Variants in PRELID2 observed in about 807,000 individuals in gnomAD.
The protein encoded by PRELID2 is PRELI domain containing 2, also known as PRELI domain-containing protein 2.
In PRELID2, 25 loss-of-function variants were observed where a neutral mutation model predicts 28.4. That is an observed-to-expected ratio of 0.88 (90% CI 0.64 to 1.23). PRELID2 has a LOEUF of 1.23. Among genes scored for constraint, PRELID2 ranks in the 50% most tolerant of loss-of-function variants. The pLI is 0.00. For missense variants in PRELID2, 201 were observed against 214.4 expected (o/e 0.94, Z 0.39); for synonymous variants, 76 against 71.6 (o/e 1.06, Z -0.31).
chr5:145,603,946 A>T (rs967472225), intron 1 of PRELID2, among the ~76,000 whole-genome samples: 6 of 152,148 alleles, frequency 3.9e-5, no homozygotes, highest in African/African-American at 1.4e-4. Flanking sequence ...CAATCTAGAA[A>T]AATAAATTAG....
At chr5:145,706,973 C>T (rs891937714) in intron 1 of PRELID2, among the ~76,000 whole-genome samples, 1 of 152,172 alleles carries the variant, frequency 6.6e-6, no homozygotes, top group African/African-American at 2.4e-5. Flanking sequence ...TGCAGTGTCT[C>T]AGGCCTCATC....
the PRELID2 span, among the ~76,000 whole-genome samples, chr5:145,385,754 T>C: frequency 2.2e-4 from 34 of 152,298 alleles, 1 homozygote; most frequent in East Asian, 5.8e-3. Context: ...AGTGGACTTA[T>C]TTATATTTAG....
At chr5:145,705,895 A>G (rs1235342525) in intron 1 of PRELID2, among the ~76,000 whole-genome samples, 1 of 151,168 alleles carries the variant, frequency 6.6e-6, no homozygotes, top group East Asian at 1.9e-4. Flanking sequence ...ATAAAATCCA[A>G]TCTTAGCTGT....
the PRELID2 span, among the ~76,000 whole-genome samples, chr5:145,382,687 G>C: frequency 6.6e-6 from 1 of 151,864 alleles, no homozygotes; most frequent in Admixed American, 6.6e-5. Context: ...ATTACCAGCA[G>C]ACCCATACTA....
intron 1 of PRELID2, among the ~76,000 whole-genome samples, chr5:145,666,928 A>C (rs896256216): frequency 1.3e-5 from 2 of 152,078 alleles, no homozygotes; most frequent in Non-Finnish European, 1.5e-5. Context: ...CTTATACGTG[A>C]CCAATTTAAG....
the PRELID2 span, among the ~76,000 whole-genome samples, chr5:145,356,368 T>G: frequency 5.9e-5 from 9 of 152,038 alleles, no homozygotes; most frequent in Admixed American, 4.6e-4. Context: ...TAATTATTAA[T>G]AAAATAATAT....
intron 1 of PRELID2, among the ~76,000 whole-genome samples, chr5:145,654,652 T>C (rs1023371261): frequency 3.0e-4 from 45 of 152,272 alleles, no homozygotes; most frequent in African/African-American, 8.9e-4. Context: ...AAAAACCACA[T>C]GATTATCTCA....
chr5:145,714,187 G>T (rs1228362356), intron 1 of PRELID2, among the ~76,000 whole-genome samples: 1 of 152,070 alleles, frequency 6.6e-6, no homozygotes, highest in Admixed American at 6.6e-5. Context: ...AGGCTCCTCT[G>T]TGGTGTTTGG....
the PRELID2 span, among the ~76,000 whole-genome samples, chr5:145,302,051 A>T: frequency 6.7e-6 from 1 of 150,364 alleles, no homozygotes; most frequent in Non-Finnish European, 1.5e-5. Flanking sequence ...TATTACATTG[A>T]TTCATTAGAT....
the PRELID2 span, among the ~76,000 whole-genome samples, chr5:145,394,996 T>G: frequency 5.8e-4 from 89 of 152,234 alleles, 1 homozygote; most frequent in African/African-American, 2.1e-3. Flanking sequence ...TTCTCCTACC[T>G]GAAATTGCCA....
At chr5:145,424,047 CG>C in the PRELID2 span, among the ~76,000 whole-genome samples, 6,941 of 149,168 alleles carry the variant, frequency 0.047, 273 homozygotes, top group South Asian at 0.17. Flanking sequence ...TTAGGCTGCT[CG>C]GGGGTCAGGG....
intron 1 of PRELID2, chr5:145,729,117 C>T (rs1756260995): frequency 1.7e-6 from 1 of 583,656 alleles, no homozygotes; most frequent in Admixed American, 2.8e-5. Context: ...ACCCTGGTTT[C>T]CGAGTACTCA....
chr5:145,329,041 C>T, the PRELID2 span, among the ~76,000 whole-genome samples: 1 of 152,174 alleles, frequency 6.6e-6, no homozygotes, highest in Middle Eastern at 3.4e-3. Context: ...GAATCCTTTC[C>T]CCATTGCTTG....
the PRELID2 span, among the ~76,000 whole-genome samples, chr5:145,307,814 A>G: frequency 6.6e-6 from 1 of 152,120 alleles, no homozygotes; most frequent in South Asian, 2.1e-4. Flanking sequence ...ATTTGCTCAG[A>G]GGTCATTTGC....
chr5:145,229,831 C>G, the PRELID2 span: 2 of 760,254 alleles, frequency 2.6e-6, no homozygotes, highest in Admixed American at 3.4e-5. Context: ...CCCTGCATCG[C>G]CAAGTCCCAG....
chr5:145,739,183 C>A (rs1756580010), intron 1 of PRELID2, among the ~76,000 whole-genome samples: 1 of 152,116 alleles, frequency 6.6e-6, no homozygotes, highest in South Asian at 2.1e-4. Context: ...GAAGTATATT[C>A]TCTAAACATA....
chr5:145,772,830 T>G (rs1758192180), intron 5 of PRELID2, among the ~76,000 whole-genome samples: 1 of 152,178 alleles, frequency 6.6e-6, no homozygotes, highest in Non-Finnish European at 1.5e-5. Flanking sequence ...TTAGTCCTGC[T>G]CCCAAACAAA....
At chr5:145,619,632 G>A (rs116608983) in intron 1 of PRELID2, among the ~76,000 whole-genome samples, 10,657 of 152,122 alleles carry the variant, frequency 0.07, 567 homozygotes, top group Admixed American at 0.18. Flanking sequence ...TTATTCCTGC[G>A]GTCATTCTGG....
At chr5:145,376,845 G>C in the PRELID2 span, among the ~76,000 whole-genome samples, 3 of 151,914 alleles carry the variant, frequency 2.0e-5, no homozygotes, top group African/African-American at 7.2e-5. Flanking sequence ...CAGGTGTCTG[G>C]GTTTGTGGAT....
Sources: gnomAD v4.1 joint callset for allele counts (sites outside exome capture counted in the v4.1 genomes callset) on GRCh38, gnomAD v4.1.1 for gene constraint, MANE v1.5 for transcripts, NCBI Gene and HGNC (gene_info 2026-07-23, HGNC 2026-07-21) for gene names.